Variants in SCAMP2 observed in about 807,000 individuals in gnomAD.
SCAMP2 encodes the protein secretory carrier-associated membrane protein 2.
Under a neutral mutation model 44.1 loss-of-function variants are expected in SCAMP2, and 25 were observed. The ratio of observed to expected loss-of-function variants is 0.57; its 90% CI spans 0.41 to 0.79. SCAMP2 has a LOEUF of 0.79. Ranked by LOEUF, SCAMP2 falls within the 30% of genes least tolerant of loss-of-function variation. SCAMP2 has a pLI of 0.00. For missense variants in SCAMP2, 355 were observed against 411.0 expected (o/e 0.86, Z 1.18); for synonymous variants, 156 against 166.0 (o/e 0.94, Z 0.46).
At chr15:74,851,013 G>C (rs1480908604) in intron 5 of SCAMP2, among the ~76,000 whole-genome samples, 1 of 152,188 alleles carries the variant, frequency 6.6e-6, no homozygotes, top group Non-Finnish European at 1.5e-5. Flanking sequence ...GGAGCTGCAG[G>C]GGGAGTCTCC....
At chr15:74,872,607 T>C (rs754773472) in intron 1 of SCAMP2, among the ~76,000 whole-genome samples, 3 of 152,104 alleles carry the variant, frequency 2.0e-5, no homozygotes, top group Non-Finnish European at 4.4e-5. Flanking sequence ...ATGGCCAAAA[T>C]GTGGAATTCT....
At chr15:74,850,229 G>A (rs942471915) in intron 6 of SCAMP2, among the ~76,000 whole-genome samples, 6 of 152,148 alleles carry the variant, frequency 3.9e-5, no homozygotes, top group Admixed American at 3.9e-4. Context: ...TCCCAGTAAC[G>A]GCATCAGCCA....
Position 74,854,587 on chromosome 15 carries a change from G to A in SCAMP2, c.120C>T (p.Phe40=), listed in dbSNP as rs2064455933. 1 of 1,601,812 alleles carries A rather than the reference G, an allele frequency of 6.2e-7. No homozygotes were observed. Among genetic ancestry groups the A allele is most frequent in the Non-Finnish European group, 8.5e-7 (1 of 1,174,284 alleles). The part of the protein sequence containing the change: ...PQGGLAEFNP[F]SETNAATTVP... ...AGAGGGCCTGCTCACCAACCTCTGA[G>A]AAGGGGTTGAATTCCGCCAGGCCGC... Residue 40 remains phenylalanine, a synonymous_variant, in exon 2 of 9, where the codon TTC becomes TTT. Coordinates refer to ENST00000268099, the MANE Select transcript of SCAMP2 (RefSeq NM_005697.5).
chr15:74,850,715 T>A (rs1234836074), intron 5 of SCAMP2, 42 bp from the exon 6 acceptor site: 1 of 1,605,188 alleles, frequency 6.2e-7, no homozygotes, highest in East Asian at 2.2e-5. Flanking sequence ...TGTGCCACAG[T>A]GGCTGAGGGG....
At chr15:74,861,900 CAAAA>C (rs71140103) in intron 1 of SCAMP2, among the ~76,000 whole-genome samples, 2 of 44,290 alleles carry the variant, frequency 4.5e-5, no homozygotes, top group South Asian at 8.1e-4. Flanking sequence ...GACTCTGTCT[CAAAA>C]AAAAAAAAAA....
At chr15:74,862,367 A>G (rs2064512624) in intron 1 of SCAMP2, among the ~76,000 whole-genome samples, 1 of 151,632 alleles carries the variant, frequency 6.6e-6, no homozygotes, top group Admixed American at 6.6e-5. Flanking sequence ...ACTTGAGATC[A>G]GGAGTTCAAG....
chr15:74,848,069 C>CT (rs77348114), intron 7 of SCAMP2, among the ~76,000 whole-genome samples: 20,180 of 140,186 alleles, frequency 0.14, 1,686 homozygotes, highest in East Asian at 0.3. Context: ...AAGATAGTGT[C>CT]TTTTTTTTTT....
chr15:74,871,129 G>T (rs1427577947), intron 1 of SCAMP2, among the ~76,000 whole-genome samples: 1 of 152,158 alleles, frequency 6.6e-6, no homozygotes, highest in East Asian at 1.9e-4. Flanking sequence ...GATCATCCCT[G>T]TGCTCTCAGC....
chr15:74,851,754 C>T (rs2064436844), intron 4 of SCAMP2: 2 of 488,766 alleles, frequency 4.1e-6, no homozygotes, highest in East Asian at 3.2e-5. Flanking sequence ...TATTAACAAG[C>T]AGCCCATAAG....
intron 1 of SCAMP2, among the ~76,000 whole-genome samples, chr15:74,866,278 T>C (rs1421167967): frequency 1.3e-5 from 2 of 151,492 alleles, no homozygotes; most frequent in Non-Finnish European, 2.9e-5. Flanking sequence ...CATCCCAGGC[T>C]CATGACTCCC....
chr15:74,858,709 G>A (rs149164917), intron 1 of SCAMP2, among the ~76,000 whole-genome samples: 1,736 of 151,168 alleles, frequency 0.011, 15 homozygotes, highest in Non-Finnish European at 0.019. Flanking sequence ...GGCGCTCAGT[G>A]AATATGTGGC....
At chr15:74,850,450 G>T in intron 6 of SCAMP2, 64 bp downstream of exon 6, 1 of 1,467,502 alleles carries the variant, frequency 6.8e-7, no homozygotes. Context: ...AGGGCCTATA[G>T]CCCTTAGCCT....
chr15:74,865,345 C>T (rs2064535081), intron 1 of SCAMP2, among the ~76,000 whole-genome samples: 1 of 146,684 alleles, frequency 6.8e-6, no homozygotes, highest in Non-Finnish European at 1.5e-5. Flanking sequence ...AGCACCACTG[C>T]ACTCCAGCCT....
intron 3 of SCAMP2, chr15:74,853,526 G>A (rs966869299): frequency 1.3e-5 from 6 of 449,482 alleles, no homozygotes; most frequent in African/African-American, 6.0e-5. Context: ...CATGGGTCAC[G>A]CTCATAGGGG....
intron 4 of SCAMP2, 140 bp from the exon 5 acceptor site, chr15:74,851,621 A>T: frequency 9.8e-7 from 1 of 1,017,302 alleles, no homozygotes; most frequent in South Asian, 1.5e-5. Context: ...GTCTGCATGG[A>T]GCATGGAGTG....
chr15:74,852,127 T>A lies in SCAMP2; in HGVS notation c.285A>T (p.Lys95Asn). Residue 95 changes from lysine to asparagine, a missense_variant, in exon 4 of 9, where the codon AAA becomes AAT. Physicochemically the swap from Lys to Asn is moderately conservative, Grantham distance 94. Coordinates refer to ENST00000268099, the MANE Select transcript of SCAMP2 (RefSeq NM_005697.5). ...LLRQQEELDR[K>N]AAELERKERE... ...GCTCCTTGCGTTCCAGCTCGGCAGC[T>A]TTCCTGTCCAGTTCTTCCTGCTGCC... The A allele has an allele frequency of 6.3e-7, 1 of 1,591,146 alleles. No homozygotes were observed.
intron 3 of SCAMP2, chr15:74,853,604 T>C (rs916479087): frequency 1.3e-5 from 5 of 380,642 alleles, no homozygotes; most frequent in Non-Finnish European, 2.6e-5. Flanking sequence ...GCAGGCAAGA[T>C]TCACAGTATT....
chr15:74,866,488 A>C (rs935744557), intron 1 of SCAMP2, among the ~76,000 whole-genome samples: 2 of 152,094 alleles, frequency 1.3e-5, no homozygotes, highest in African/African-American at 4.8e-5. Flanking sequence ...AGGTGGGTGG[A>C]TCACCTGAGA....
intron 1 of SCAMP2, 154 bp downstream of exon 1, chr15:74,873,045 G>C: frequency 1.6e-6 from 1 of 606,416 alleles, no homozygotes; most frequent in Non-Finnish European, 2.7e-6. Flanking sequence ...CGCCCCTCAC[G>C]CGTTACGATA....
Sources: gnomAD v4.1 joint callset for allele counts (sites outside exome capture counted in the v4.1 genomes callset) on GRCh38, gnomAD v4.1.1 for gene constraint, MANE v1.5 for transcripts, NCBI Gene and HGNC (gene_info 2026-07-23, HGNC 2026-07-21) for gene names.